GLIS3: variants seen among roughly 807,000 people sequenced by gnomAD.
The protein encoded by GLIS3 is GLIS family zinc finger 3.
In GLIS3, 53 loss-of-function variants were observed where a neutral mutation model predicts 78.6. That is an observed-to-expected ratio of 0.67 (90% CI 0.54 to 0.85). GLIS3 has a LOEUF of 0.85. Among genes scored for constraint, GLIS3 ranks in the 40% least tolerant of loss-of-function variants. The pLI is 0.00. For missense variants in GLIS3, 1,703 were observed against 1,231.1 expected (o/e 1.38, Z -5.74); for synonymous variants, 684 against 509.9 (o/e 1.34, Z -4.60).
chr9:4,276,701 C>A (rs1827065616), intron 2 of GLIS3, among the ~76,000 whole-genome samples: 1 of 152,050 alleles, frequency 6.6e-6, no homozygotes, highest in African/African-American at 2.4e-5. Flanking sequence ...AGACTGAAAC[C>A]CCCTTTTATA....
At chr9:3,873,681 TAAAGTC>T (rs1273076302) in intron 8 of GLIS3, among the ~76,000 whole-genome samples, 1 of 148,558 alleles carries the variant, frequency 6.7e-6, no homozygotes, top group Non-Finnish European at 1.5e-5. Flanking sequence ...ATAAAGAAAA[TAAAGTC>T]AAAGAAAAAG....
At chr9:4,055,770 A>G (rs1826105168) in intron 4 of GLIS3, among the ~76,000 whole-genome samples, 1 of 151,824 alleles carries the variant, frequency 6.6e-6, no homozygotes, top group Non-Finnish European at 1.5e-5. Flanking sequence ...CTCAAGTTCA[A>G]CAACAGCCAA....
At chr9:4,246,470 AC>A (rs1206956606) in intron 2 of GLIS3, among the ~76,000 whole-genome samples, 1 of 152,218 alleles carries the variant, frequency 6.6e-6, no homozygotes, top group African/African-American at 2.4e-5. Flanking sequence ...ATGGTCTTAT[AC>A]GGCTACCATT....
At chr9:3,961,318 TAAAC>T (rs1264345827) in intron 4 of GLIS3, among the ~76,000 whole-genome samples, 7 of 152,122 alleles carry the variant, frequency 4.6e-5, no homozygotes, top group African/African-American at 7.2e-5. Context: ...TTATTAAAAA[TAAAC>T]AAACAAGTAG....
At chr9:4,482,228 G>A in the GLIS3 span, among the ~76,000 whole-genome samples, 3 of 152,182 alleles carry the variant, frequency 2.0e-5, no homozygotes, top group African/African-American at 7.2e-5. Context: ...GTCAGAGTGA[G>A]CAATAAAGCC....
At chr9:4,317,578 C>T (rs988715572) in intron 2 of GLIS3, among the ~76,000 whole-genome samples, 4 of 152,172 alleles carry the variant, frequency 2.6e-5, no homozygotes, top group African/African-American at 9.7e-5. Context: ...TTTTAGATTA[C>T]GTATTGCTTA....
chr9:3,859,233 A>C (rs1001103645), intron 8 of GLIS3, among the ~76,000 whole-genome samples: 4 of 152,158 alleles, frequency 2.6e-5, no homozygotes, highest in African/African-American at 9.7e-5. Context: ...AAACACACAT[A>C]CTTAGATGCT....
intron 4 of GLIS3, among the ~76,000 whole-genome samples, chr9:4,062,623 T>C (rs182123069): frequency 2.6e-5 from 4 of 152,242 alleles, no homozygotes; most frequent in East Asian, 3.9e-4. Flanking sequence ...GAAGATGAAA[T>C]AGCATATGTA....
At chr9:4,184,854 C>CA (rs1002692498) in intron 2 of GLIS3, among the ~76,000 whole-genome samples, 1 of 149,766 alleles carries the variant, frequency 6.7e-6, no homozygotes, top group South Asian at 2.2e-4. Context: ...CATTACGTAG[C>CA]AAAAAAACAA....
intron 2 of GLIS3, among the ~76,000 whole-genome samples, chr9:4,162,101 C>G (rs1347097548): frequency 2.6e-5 from 4 of 152,030 alleles, no homozygotes; most frequent in African/African-American, 9.7e-5. Flanking sequence ...CAACACTGAC[C>G]ATCCCTCAGT....
chr9:3,945,015 C>T (rs537669244), intron 4 of GLIS3, among the ~76,000 whole-genome samples: 3 of 152,324 alleles, frequency 2.0e-5, no homozygotes, highest in South Asian at 2.1e-4. Context: ...GGTGAGAACT[C>T]GCTCACTCCT....
chr9:3,860,105 C>A (rs918726632), intron 8 of GLIS3, among the ~76,000 whole-genome samples: 1 of 151,794 alleles, frequency 6.6e-6, no homozygotes, highest in South Asian at 2.1e-4. Flanking sequence ...GAAAGTCTGT[C>A]TCTACTAAAG....
intron 2 of GLIS3, among the ~76,000 whole-genome samples, chr9:4,331,711 C>T (rs1171032527): frequency 1.3e-5 from 2 of 152,176 alleles, no homozygotes; most frequent in Admixed American, 1.3e-4. Flanking sequence ...TGGTCACAGA[C>T]TTGAGTGTGA....
At chr9:4,344,100 C>G (rs1180367745) in intron 2 of GLIS3, among the ~76,000 whole-genome samples, 5 of 152,158 alleles carry the variant, frequency 3.3e-5, no homozygotes, top group Non-Finnish European at 7.4e-5. Flanking sequence ...AATAAACACA[C>G]AGAATTCCAT....
chr9:4,193,254 A>G (rs1818496234), intron 2 of GLIS3, among the ~76,000 whole-genome samples: 1 of 152,238 alleles, frequency 6.6e-6, no homozygotes, highest in Non-Finnish European at 1.5e-5. Context: ...AGAAAAATCA[A>G]ATTTTGTGGC....
At chr9:3,886,217 G>A (rs1231267801) in intron 7 of GLIS3, among the ~76,000 whole-genome samples, 1 of 152,146 alleles carries the variant, frequency 6.6e-6, no homozygotes, top group Non-Finnish European at 1.5e-5. Flanking sequence ...ATAAACTGTG[G>A]TGTTACTTTA....
intron 8 of GLIS3, among the ~76,000 whole-genome samples, chr9:3,868,187 A>C (rs1399842424): frequency 1.3e-5 from 2 of 152,256 alleles, no homozygotes; most frequent in African/African-American, 4.8e-5. Context: ...AATTTGCATC[A>C]GTGACCACAG....
At chr9:4,070,807 T>G (rs1368474026) in intron 4 of GLIS3, 1 of 152,178 alleles carries the variant, frequency 6.6e-6, no homozygotes, top group Non-Finnish European at 1.5e-5. Flanking sequence ...AGTCTCCAAT[T>G]ATTTACAAGA....
intron 4 of GLIS3, among the ~76,000 whole-genome samples, chr9:3,958,078 T>C (rs1416585444): frequency 1.3e-5 from 2 of 152,178 alleles, no homozygotes; most frequent in African/African-American, 4.8e-5. Flanking sequence ...TGACTGACTT[T>C]CCACCAGAAT....
Sources: gnomAD v4.1 joint callset for allele counts (sites outside exome capture counted in the v4.1 genomes callset) on GRCh38, gnomAD v4.1.1 for gene constraint, MANE v1.5 for transcripts, NCBI Gene and HGNC (gene_info 2026-07-23, HGNC 2026-07-21) for gene names.